Variants in LRP1B observed in about 807,000 individuals in gnomAD.
LRP1B encodes the protein LDL receptor related protein 1B, also known as low-density lipoprotein receptor-related protein 1B.
LRP1B carries 217 observed loss-of-function variants against 556.6 expected under a neutral mutation model. The observed-to-expected ratio is 0.39, with a 90% confidence interval of 0.35 to 0.44. The LOEUF is 0.44. Among genes scored for constraint, LRP1B ranks in the 20% least tolerant of loss-of-function variants. The probability of loss-of-function intolerance (pLI) is 1.00; values close to 1 mark genes in which losing one functional copy is unlikely to be tolerated. For synonymous variants in LRP1B, 2,047 were observed against 1,865.8 expected, an observed-to-expected ratio of 1.10 and a Z score of -2.50; for missense variants, 5,053 against 5,620.8, an observed-to-expected ratio of 0.90 and a Z score of 3.23.
At chr2:140,602,904 A>T (rs752443066) in intron 41 of LRP1B, among the ~76,000 whole-genome samples, 2 of 151,964 alleles carry the variant, frequency 1.3e-5, no homozygotes, top group Non-Finnish European at 2.9e-5. Context: ...ATAATTTTCC[A>T]TTTCCCAAGA....
intron 3 of LRP1B, among the ~76,000 whole-genome samples, chr2:141,448,256 G>GC (rs1681274225): frequency 6.6e-6 from 1 of 152,116 alleles, no homozygotes; most frequent in Non-Finnish European, 1.5e-5. Context: ...AATGTTGGAT[G>GC]CCCCTCCCCC....
At chr2:141,991,867 T>C (rs1702353475) in intron 1 of LRP1B, among the ~76,000 whole-genome samples, 1 of 152,090 alleles carries the variant, frequency 6.6e-6, no homozygotes, top group Non-Finnish European at 1.5e-5. Flanking sequence ...GTACTATTTC[T>C]AGGAAAATGA....
intron 7 of LRP1B, among the ~76,000 whole-genome samples, chr2:141,172,625 T>C (rs1401703595): frequency 1.3e-5 from 2 of 152,092 alleles, no homozygotes; most frequent in African/African-American, 4.8e-5. Flanking sequence ...GCTTATTCAC[T>C]ATTTTTATCT....
intron 2 of LRP1B, among the ~76,000 whole-genome samples, chr2:141,739,684 T>TG (rs1558841013): frequency 6.6e-6 from 1 of 151,756 alleles, no homozygotes; most frequent in Non-Finnish European, 1.5e-5. Context: ...CTGGTTGTTT[T>TG]TTTTTTTTTG....
chr2:142,080,465 A>G (rs1184029409), intron 1 of LRP1B, among the ~76,000 whole-genome samples: 3 of 152,164 alleles, frequency 2.0e-5, no homozygotes, highest in Non-Finnish European at 4.4e-5. Context: ...TTGTCTTTAA[A>G]TAATCACTTT....
intron 2 of LRP1B, among the ~76,000 whole-genome samples, chr2:141,610,067 T>C (rs1688052593): frequency 1.3e-5 from 2 of 152,180 alleles, no homozygotes; most frequent in East Asian, 3.8e-4. Context: ...AATTATTGTG[T>C]TCTTGGCTAA....
At chr2:141,901,426 C>T (rs1310281722) in intron 1 of LRP1B, among the ~76,000 whole-genome samples, 1 of 151,880 alleles carries the variant, frequency 6.6e-6, no homozygotes, top group Non-Finnish European at 1.5e-5. Context: ...ATAAGAATGT[C>T]CCTTGAAGGA....
rs183593808 is a variant in LRP1B at position 141,700,328 on chromosome 2, C to T, written c.205+109951G>A. Among the ~76,000 whole-genome samples the T allele has an allele frequency of 2.5e-3, 378 of 151,790 alleles. 3 individuals carry two copies. The highest frequency in any genetic ancestry group is 8.9e-3 in the African/African-American group (370 of 41,462). On this transcript the variant is annotated intron_variant, in intron 2 of 90. Transcript: ENST00000389484. Reference sequence around the variant, plus strand: ...AGGTGCCTTGTCTATTTTTTTACTTCTGTATTCCCAGTGCTTGGAATAGCA... The same window carrying T: ...AGGTGCCTTGTCTATTTTTTTACTTTTGTATTCCCAGTGCTTGGAATAGCA...
chr2:142,074,841 A>G (rs539818748), intron 1 of LRP1B, among the ~76,000 whole-genome samples: 2 of 152,064 alleles, frequency 1.3e-5, no homozygotes, highest in South Asian at 4.1e-4. Flanking sequence ...TTAGGATATT[A>G]TTACTTTCCT....
At chr2:141,899,205 G>A (rs1699544781) in intron 1 of LRP1B, among the ~76,000 whole-genome samples, 1 of 152,070 alleles carries the variant, frequency 6.6e-6, no homozygotes, top group Admixed American at 6.6e-5. Context: ...CTTTCATCCA[G>A]CTTTAATTGA....
intron 10 of LRP1B, among the ~76,000 whole-genome samples, chr2:141,053,394 T>C: frequency 6.6e-6 from 1 of 151,928 alleles, no homozygotes; most frequent in South Asian, 2.1e-4. Flanking sequence ...CTCTTCTTTA[T>C]TTTTTGCCAG....
intron 1 of LRP1B, among the ~76,000 whole-genome samples, chr2:142,029,296 A>G (rs1703608163): frequency 1.3e-5 from 2 of 151,920 alleles, no homozygotes; most frequent in African/African-American, 2.4e-5. Flanking sequence ...AGTTAAAAGA[A>G]TAATTTAAAA....
intron 31 of LRP1B, among the ~76,000 whole-genome samples, chr2:140,828,191 T>C (rs1237771919): frequency 6.6e-6 from 1 of 152,122 alleles, no homozygotes; most frequent in African/African-American, 2.4e-5. Flanking sequence ...CTAAAACTCA[T>C]TGCTAAAAGT....
At chr2:141,800,834 C>G (rs962694842) in intron 2 of LRP1B, among the ~76,000 whole-genome samples, 1 of 152,122 alleles carries the variant, frequency 6.6e-6, no homozygotes, top group Non-Finnish European at 1.5e-5. Flanking sequence ...TCAGAAGCAC[C>G]TTGATGCAGT....
At chr2:141,809,681 G>T (rs1030142154) in intron 2 of LRP1B, among the ~76,000 whole-genome samples, 1 of 151,888 alleles carries the variant, frequency 6.6e-6, no homozygotes, top group Non-Finnish European at 1.5e-5. Context: ...GTATACTAAG[G>T]GTTTCTGAAT....
intron 11 of LRP1B, among the ~76,000 whole-genome samples, chr2:141,047,085 T>TAAA (rs1698897354): frequency 1.3e-5 from 2 of 149,598 alleles, no homozygotes; most frequent in South Asian, 4.2e-4. Context: ...ATAATAATAA[T>TAAA]AAATGCAAGT....
chr2:141,905,177 G>A (rs1276244173), intron 1 of LRP1B, among the ~76,000 whole-genome samples: 3 of 151,916 alleles, frequency 2.0e-5, no homozygotes, highest in African/African-American at 7.2e-5. Context: ...TTGGTGCTTA[G>A]AGGGTAATTG....
chr2:140,289,191 C>T (rs1683276545), intron 84 of LRP1B, among the ~76,000 whole-genome samples: 1 of 151,908 alleles, frequency 6.6e-6, no homozygotes, highest in African/African-American at 2.4e-5. Context: ...TATAAACATG[C>T]TGCTGAAATT....
At position 140,850,275 on chromosome 2, in the gene LRP1B, A is replaced by G. The variant is rs1460129712; in HGVS notation, c.4766T>C (p.Ile1589Thr). The G allele has an allele frequency of 2.5e-6, 4 of 1,613,600 alleles. No individual in the cohort carries two copies. The South Asian group carries it at 3.3e-5, about 13-fold the overall frequency. ...ARRSEIRGVD[I>T]DNPYFNFITA... Reference sequence around the variant, plus strand: ...GATGAAGTTAAAGTATGGATTGTCAATATCCACTCCTCTGATTTCAGAACG... The same window carrying G: ...GATGAAGTTAAAGTATGGATTGTCAGTATCCACTCCTCTGATTTCAGAACG... Residue 1589 changes from isoleucine (I) to threonine (T), a missense_variant, in exon 29 of 91, where the codon ATT (isoleucine) becomes ACT (threonine). Transcript: ENST00000389484.
Sources: gnomAD v4.1 joint callset for allele counts (sites outside exome capture counted in the v4.1 genomes callset) on GRCh38, gnomAD v4.1.1 for gene constraint, MANE v1.5 for transcripts, NCBI Gene and HGNC (gene_info 2026-07-23, HGNC 2026-07-21) for gene names.